Variants in MICU1 observed in about 807,000 individuals in gnomAD.
The protein encoded by MICU1 is mitochondrial calcium uptake 1.
A neutral mutation model predicts 56.8 loss-of-function variants in MICU1; 45 were observed. The observed-to-expected ratio is 0.79, with a 90% CI of 0.62 to 1.02. The LOEUF (loss-of-function observed/expected upper bound fraction) is 1.02, where lower values mean the gene tolerates loss of function less well. Ranked by LOEUF, MICU1 falls within the 50% of genes least tolerant of loss-of-function variation. MICU1 has a pLI of 0.00. For missense variants in MICU1, 504 were observed against 587.1 expected, an observed-to-expected ratio of 0.86 and a Z score of 1.46; for synonymous variants, 186 against 195.1, an observed-to-expected ratio of 0.95 and a Z score of 0.39.
intron 5 of MICU1, among the ~76,000 whole-genome samples, chr10:72,513,924 A>T (rs894481666): frequency 1.3e-5 from 2 of 152,152 alleles, no homozygotes; most frequent in Non-Finnish European, 2.9e-5. Flanking sequence ...CACATCATTT[A>T]CATTTTTGTA....
intron 1 of MICU1, among the ~76,000 whole-genome samples, chr10:72,620,385 C>T (rs56367145): frequency 4.5e-4 from 68 of 152,120 alleles, no homozygotes; most frequent in Non-Finnish European, 7.8e-4. Context: ...AGGGTTTCAC[C>T]ACGTTGCCCA....
At position 72,588,177 on chromosome 10, in the gene MICU1, G is replaced by A. The variant is rs528781822; in HGVS notation, c.-1-21383C>T. On this transcript the variant is annotated intron_variant, in intron 1 of 11. Coordinates refer to ENST00000361114, the MANE Select transcript of MICU1 (RefSeq NM_001195518.2). Reference sequence around the variant, plus strand: ...TACTTCCCCCTCTTCTCTCTCTCCTGCTCTGGCCATGTGAAGACGAGCCTG... The same window carrying A: ...TACTTCCCCCTCTTCTCTCTCTCCTACTCTGGCCATGTGAAGACGAGCCTG... 9.9e-5 allele frequency among the ~76,000 whole-genome samples: 15 copies of A among 152,124 alleles called. No homozygotes were observed. In the South Asian group the frequency reaches 3.1e-3, roughly 32 times the overall value.
At chr10:72,558,551 T>C (rs1840215807) in intron 3 of MICU1, among the ~76,000 whole-genome samples, 1 of 151,924 alleles carries the variant, frequency 6.6e-6, no homozygotes, top group Admixed American at 6.6e-5. Flanking sequence ...GAGGGTAAAG[T>C]TTTAGTAAGC....
chr10:72,474,575 T>C (rs1866054773), intron 8 of MICU1, among the ~76,000 whole-genome samples: 1 of 152,214 alleles, frequency 6.6e-6, no homozygotes, highest in Admixed American at 6.5e-5. Flanking sequence ...CAGGCTGCTC[T>C]CAAACTCCTG....
At chr10:72,443,778 T>C (rs1865015142) in intron 8 of MICU1, among the ~76,000 whole-genome samples, 1 of 152,050 alleles carries the variant, frequency 6.6e-6, no homozygotes. Flanking sequence ...TTGGTGGGAC[T>C]GTAAACTAGT....
At chr10:72,489,901 G>A (rs1866597895) in intron 6 of MICU1, among the ~76,000 whole-genome samples, 1 of 152,328 alleles carries the variant, frequency 6.6e-6, no homozygotes, top group South Asian at 2.1e-4. Flanking sequence ...GAGATACGGT[G>A]TATATAAATA....
At chr10:72,544,009 C>T (rs567237030) in intron 4 of MICU1, among the ~76,000 whole-genome samples, 51 of 152,256 alleles carry the variant, frequency 3.3e-4, no homozygotes, top group South Asian at 2.1e-4. Context: ...GACAGCTCGG[C>T]GCTGTGCCCT....
chr10:72,417,696 T>C (rs1864028234), intron 9 of MICU1, among the ~76,000 whole-genome samples: 1 of 152,196 alleles, frequency 6.6e-6, no homozygotes, highest in Non-Finnish European at 1.5e-5. Context: ...ATGGTGGTTT[T>C]TCAGAGCATC....
chr10:72,607,266 G>A (rs565435574), intron 1 of MICU1, among the ~76,000 whole-genome samples: 3 of 151,520 alleles, frequency 2.0e-5, no homozygotes, highest in South Asian at 2.1e-4. Flanking sequence ...GCTTGAACCC[G>A]GTAGGCGGAG....
At chr10:72,452,547 C>T (rs1865331000) in intron 8 of MICU1, among the ~76,000 whole-genome samples, 1 of 152,114 alleles carries the variant, frequency 6.6e-6, no homozygotes, top group African/African-American at 2.4e-5. Flanking sequence ...ACTGAGACTG[C>T]ACAGATGATG....
intron 6 of MICU1, among the ~76,000 whole-genome samples, chr10:72,479,670 T>C (rs1866230571): frequency 6.6e-6 from 1 of 152,108 alleles, no homozygotes; most frequent in Non-Finnish European, 1.5e-5. Context: ...GGACTACAGG[T>C]GCGTGCCACC....
intron 8 of MICU1, among the ~76,000 whole-genome samples, chr10:72,461,555 C>A (rs1171962674): frequency 6.6e-6 from 1 of 152,170 alleles, no homozygotes; most frequent in Non-Finnish European, 1.5e-5. Context: ...TTTATCCTAC[C>A]TTTATAAGCT....
chr10:72,482,836 C>CATAT (rs5786079), intron 6 of MICU1, among the ~76,000 whole-genome samples: 3 of 144,768 alleles, frequency 2.1e-5, no homozygotes, highest in Admixed American at 6.9e-5. Flanking sequence ...TATATATATA[C>CATAT]ATATATATAT....
At chr10:72,515,573 C>T (rs1867621946) in intron 5 of MICU1, among the ~76,000 whole-genome samples, 1 of 152,166 alleles carries the variant, frequency 6.6e-6, no homozygotes, top group Admixed American at 6.6e-5. Flanking sequence ...ATCCCTCACA[C>T]ACTTGTTACT....
At chr10:72,554,562 A>C (rs941981060) in intron 3 of MICU1, among the ~76,000 whole-genome samples, 1 of 152,244 alleles carries the variant, frequency 6.6e-6, no homozygotes, top group Admixed American at 6.5e-5. Context: ...GAGGCTTTAA[A>C]GATATATCAC....
At chr10:72,575,166 T>C (rs1210466635) in intron 1 of MICU1, among the ~76,000 whole-genome samples, 4 of 152,164 alleles carry the variant, frequency 2.6e-5, no homozygotes, top group Non-Finnish European at 5.9e-5. Context: ...TCCAAGTCCA[T>C]GGGATTACAG....
chr10:72,623,255 G>C (rs936797016), intron 1 of MICU1, among the ~76,000 whole-genome samples: 6 of 116,252 alleles, frequency 5.2e-5, no homozygotes, highest in Admixed American at 2.3e-4. Context: ...TTGGCAACGA[G>C]AGTGAAACTC....
At chr10:72,607,269 A>T (rs886383462) in intron 1 of MICU1, among the ~76,000 whole-genome samples, 1 of 151,234 alleles carries the variant, frequency 6.6e-6, no homozygotes, top group Non-Finnish European at 1.5e-5. Context: ...TGAACCCGGT[A>T]GGCGGAGGTT....
At chr10:72,505,936 T>A (rs1469783780) in intron 6 of MICU1, among the ~76,000 whole-genome samples, 2 of 148,782 alleles carry the variant, frequency 1.3e-5, no homozygotes, top group Non-Finnish European at 3.0e-5. Flanking sequence ...AACAAACTTG[T>A]ACGTGTCCTC....
Sources: allele counts gnomAD v4.1 joint callset (sites outside exome capture counted in the v4.1 genomes callset), GRCh38; gene constraint gnomAD v4.1.1; transcripts MANE v1.5; gene names NCBI Gene and HGNC (gene_info 2026-07-23, HGNC 2026-07-21).